C5: variants seen among roughly 807,000 people sequenced by gnomAD.
The protein encoded by C5 is complement C5.
Under a neutral mutation model 218.8 loss-of-function variants are expected in C5, and 140 were observed. The observed-to-expected ratio is 0.64, with a 90% CI of 0.56 to 0.74. The LOEUF (loss-of-function observed/expected upper bound fraction) is 0.74, where lower values mean the gene tolerates loss of function less well. C5 is among the 30% of genes least tolerant of loss of function. C5 has a pLI of 0.00. For synonymous variants in C5, 614 were observed against 682.3 expected (o/e 0.90, Z 1.56); for missense variants, 1,700 against 1,969.6 (o/e 0.86, Z 2.59).
chr9:121,040,241 C>G (rs2047566101), intron 3 of C5, among the ~76,000 whole-genome samples: 1 of 152,134 alleles, frequency 6.6e-6, no homozygotes, highest in Middle Eastern at 3.2e-3. Flanking sequence ...GTAGAGGCAA[C>G]AGCATGTTAC....
Position 121,043,012 on chromosome 9 carries a change from T to A in C5, c.413A>T (p.Asp138Val). 1 of 1,611,472 alleles carries A rather than the reference T, an allele frequency of 6.2e-7. No homozygotes were observed. The highest frequency in any genetic ancestry group is 8.5e-7 in the Non-Finnish European group (1 of 1,177,846). ...AATATCTTATAATCTACCTGACTGG[T>A]CTGGAGTATAAACAGGTTTGTCTGT... ...IHTDKPVYTP[D>V]QSVKVRVYSL... Residue 138 changes from aspartate to valine, a missense_variant, in exon 3 of 41, where the codon GAC becomes GTC. Physicochemically the swap from Asp to Val is radical, Grantham distance 152. Coordinates refer to ENST00000223642, the MANE Select transcript of C5 (RefSeq NM_001735.3).
At position 120,989,626 on chromosome 9, in the gene C5, G is replaced by A. The variant is rs1269656764; in HGVS notation, c.3096C>T (p.Asn1032=). ...FHYLETGNHW[N]IFHSDPLIEK... ...CAATTAATGGGTCAGAATGAAAAAT[G>A]TTCCAATGATTTCCTGTTTCCAGGT... The change falls in exon 24 of 41, where the codon AAC becomes AAT. Residue 1032 remains asparagine, a synonymous_variant. Transcript: ENST00000223642. 1.9e-6 allele frequency: 3 copies of A among 1,612,724 alleles called. No homozygotes were observed. The highest frequency in any genetic ancestry group is 1.1e-5 in the South Asian group (1 of 91,040).
intron 18 of C5, among the ~76,000 whole-genome samples, chr9:121,007,924 T>C (rs532604020): frequency 6.6e-6 from 1 of 152,220 alleles, no homozygotes; most frequent in South Asian, 2.1e-4. Flanking sequence ...TGCCTTCTCA[T>C]TGGAAAACCA....
intron 20 of C5, among the ~76,000 whole-genome samples, chr9:121,003,268 G>A (rs969566629): frequency 3.3e-5 from 5 of 151,790 alleles, no homozygotes; most frequent in African/African-American, 1.2e-4. Context: ...TCCAGCCTGG[G>A]TGACAGAGCA....
intron 30 of C5, among the ~76,000 whole-genome samples, chr9:120,974,489 C>CATCTTTCAG (rs1459587533): frequency 2.6e-5 from 4 of 152,234 alleles, no homozygotes; most frequent in Non-Finnish European, 5.9e-5. Flanking sequence ...AAACTCCCTC[C>CATCTTTCAG]ATCTTTCAGC....
At chr9:120,973,080 A>T (rs1451335267) in intron 30 of C5, among the ~76,000 whole-genome samples, 1 of 152,130 alleles carries the variant, frequency 6.6e-6, no homozygotes, top group Admixed American at 6.6e-5. Flanking sequence ...AATTTAAATT[A>T]ATTTGTTTAA....
intron 9 of C5, among the ~76,000 whole-genome samples, chr9:121,024,502 T>A (rs926080802): frequency 2.6e-4 from 39 of 152,096 alleles, no homozygotes; most frequent in Admixed American, 2.4e-3. Context: ...CAATATTACA[T>A]CTCTAATACA....
At chr9:120,975,531 T>C (rs1455142638) in intron 29 of C5, among the ~76,000 whole-genome samples, 2 of 152,180 alleles carry the variant, frequency 1.3e-5, no homozygotes, top group Non-Finnish European at 2.9e-5. Context: ...TGAGGCCTAA[T>C]GGGAGGTGTT....
rs777318536 is a variant in C5 at position 121,025,594 on chromosome 9, G to C, written c.874-14C>G. The C allele has an allele frequency of 6.2e-7, 1 of 1,609,364 alleles. No homozygotes were observed. The highest frequency in any genetic ancestry group is 2.2e-5 in the East Asian group (1 of 44,758). On this transcript the variant is annotated splice_polypyrimidine_tract_variant and intron_variant, in intron 8 of 40. Transcript: ENST00000223642. ...TCCATTTATCAACTTTTTAAAAGGA[G>C]AAAAAGGAGGAGTTATTTCGGAGAA...
At chr9:120,953,058 G>A (rs41313643) in intron 40 of C5, among the ~76,000 whole-genome samples, 190 bp from the exon 41 acceptor site, 2,557 of 152,268 alleles carry the variant, frequency 0.017, 73 homozygotes, top group African/African-American at 0.058. Flanking sequence ...CGAGTAGCTG[G>A]GACTACAGGT....
intron 25 of C5, among the ~76,000 whole-genome samples, chr9:120,988,520 C>T (rs1236134724): frequency 6.6e-6 from 1 of 152,030 alleles, no homozygotes; most frequent in African/African-American, 2.4e-5. Flanking sequence ...TGGAAGCATG[C>T]CTGGTGTGTT....
intron 39 of C5, among the ~76,000 whole-genome samples, chr9:120,956,015 G>C (rs2046781681): frequency 6.6e-6 from 1 of 151,914 alleles, no homozygotes; most frequent in Admixed American, 6.6e-5. Flanking sequence ...TCGAAATGAG[G>C]CCAGGCACGG....
At chr9:121,034,770 T>C (rs1041315724) in intron 5 of C5, 33 bp downstream of exon 5, 2 of 1,202,722 alleles carry the variant, frequency 1.7e-6, no homozygotes, top group Non-Finnish European at 2.5e-6. Flanking sequence ...AAAAGTTCCG[T>C]ATGTGGTTTT....
intron 28 of C5, among the ~76,000 whole-genome samples, chr9:120,977,970 A>T (rs913825546): frequency 6.6e-6 from 1 of 152,212 alleles, no homozygotes; most frequent in Non-Finnish European, 1.5e-5. Context: ...TTTGTAAACT[A>T]GAAAGCACCA....
chr9:120,973,425 G>C lies in C5; in HGVS notation c.4017+1354C>G, dbSNP rs41312857. Among the ~76,000 whole-genome samples the C allele has an allele frequency of 7.9e-3, 1,198 of 152,306 alleles. 15 individuals carry two copies. Among genetic ancestry groups the C allele is most frequent in the African/African-American group, 0.027 (1,139 of 41,566 alleles). On this transcript the variant is annotated intron_variant, in intron 30 of 40. Coordinates refer to ENST00000223642, the MANE Select transcript of C5 (RefSeq NM_001735.3). The stretch of plus-strand genomic sequence containing the variant: ...GGGACCACAAGCACAAATGCCTGCA[G>C]AGGCCCGGGCACAAAGCAGGTATGA...
intron 22 of C5, among the ~76,000 whole-genome samples, chr9:120,995,132 T>C (rs1036124593): frequency 6.6e-5 from 10 of 152,154 alleles, no homozygotes; most frequent in African/African-American, 2.4e-4. Context: ...TTACTTTTTA[T>C]TGCTCTACTG....
intron 17 of C5, among the ~76,000 whole-genome samples, chr9:121,012,515 T>TCAAA (rs926908200): frequency 6.6e-5 from 10 of 152,124 alleles, no homozygotes; most frequent in South Asian, 2.1e-4. Flanking sequence ...ACTCTGTCTC[T>TCAAA]CAAACAAACA....
chr9:121,033,765 A>T lies in C5; in HGVS notation c.584+1038T>A, dbSNP rs1450279099. Among the ~76,000 whole-genome samples the T allele has an allele frequency of 2.0e-5, 3 of 152,338 alleles. No homozygotes were observed. The East Asian group carries it at 5.8e-4, about 29-fold the overall frequency. On this transcript the variant is annotated intron_variant, in intron 5 of 40. Transcript: ENST00000223642. ...GCGAATTAACTGAGGGCAGAGGAAA[A>T]ATGACCATAAAAAGATGTTGTTCTA... is the stretch of plus-strand genomic sequence containing the variant.
intron 26 of C5, among the ~76,000 whole-genome samples, chr9:120,982,292 G>A (rs1371539123): frequency 6.6e-6 from 1 of 152,170 alleles, no homozygotes; most frequent in East Asian, 1.9e-4. Context: ...TTACAGGCGT[G>A]AGCCACCGCA....
Sources: allele counts gnomAD v4.1 joint callset (sites outside exome capture counted in the v4.1 genomes callset), GRCh38; gene constraint gnomAD v4.1.1; transcripts MANE v1.5; gene names NCBI Gene and HGNC (gene_info 2026-07-23, HGNC 2026-07-21).